The following PDE1A variants were observed in gnomAD, a reference collection of about 807,000 sequenced individuals.
PDE1A encodes phosphodiesterase 1A.
A neutral mutation model predicts 61.7 loss-of-function variants in PDE1A; 35 were observed. The ratio of observed to expected loss-of-function variants is 0.57; its 90% CI spans 0.43 to 0.75. The LOEUF (loss-of-function observed/expected upper bound fraction) is 0.75, where lower values mean the gene tolerates loss of function less well. Ranked by LOEUF, PDE1A falls within the 30% of genes least tolerant of loss-of-function variation. The probability of loss-of-function intolerance (pLI) is 0.00; values close to 1 mark genes in which losing one functional copy is unlikely to be tolerated. For synonymous variants in PDE1A, 232 were observed against 213.2 expected (o/e 1.09, Z -0.77); for missense variants, 597 against 630.6 (o/e 0.95, Z 0.57).
intron 8 of PDE1A, 98 bp from the exon 9 acceptor site, chr2:182,201,887 T>C: frequency 1.3e-6 from 1 of 744,216 alleles, no homozygotes; most frequent in South Asian, 1.8e-5. Context: ...TTATAGTTCT[T>C]AATGGATATG....
chr2:182,661,534 T>C, the PDE1A span, among the ~76,000 whole-genome samples: 1 of 152,094 alleles, frequency 6.6e-6, no homozygotes, highest in Non-Finnish European at 1.5e-5. Context: ...CCCCCATCAC[T>C]ACACTATTTG....
intron 1 of PDE1A, among the ~76,000 whole-genome samples, chr2:182,349,187 T>C (rs1698707845): frequency 6.6e-6 from 1 of 152,164 alleles, no homozygotes; most frequent in Non-Finnish European, 1.5e-5. Context: ...ATACTGAAGA[T>C]TACAAAATGG....
chr2:182,255,331 T>C (rs1001255397), intron 2 of PDE1A, among the ~76,000 whole-genome samples: 10 of 152,214 alleles, frequency 6.6e-5, no homozygotes, highest in African/African-American at 2.4e-4. Flanking sequence ...TAGCCCAATC[T>C]ATTTCTCTTT....
At chr2:182,459,128 T>TA (rs1447845065) in intron 2 of PDE1A, among the ~76,000 whole-genome samples, 13 of 152,266 alleles carry the variant, frequency 8.5e-5, no homozygotes, top group African/African-American at 3.1e-4. Flanking sequence ...ATAATACCTA[T>TA]ACCTATTACT....
intron 13 of PDE1A, among the ~76,000 whole-genome samples, chr2:182,151,862 A>G (rs1690798785): frequency 6.6e-6 from 1 of 152,182 alleles, no homozygotes. Context: ...CCCTGCATGT[A>G]AGTGGGAAAA....
chr2:182,234,759 A>T (rs1239564909), intron 3 of PDE1A, among the ~76,000 whole-genome samples: 1 of 152,224 alleles, frequency 6.6e-6, no homozygotes, highest in Non-Finnish European at 1.5e-5. Flanking sequence ...TCCTTCCCTG[A>T]ACTTGATCAT....
At chr2:182,313,158 A>G (rs183613756) in intron 1 of PDE1A, among the ~76,000 whole-genome samples, 13 of 152,310 alleles carry the variant, frequency 8.5e-5, no homozygotes, top group Admixed American at 8.5e-4. Flanking sequence ...TCACGCCTGT[A>G]ATCCCAGCAC....
At chr2:182,504,286 G>A (rs1689265798) in intron 2 of PDE1A, among the ~76,000 whole-genome samples, 1 of 152,132 alleles carries the variant, frequency 6.6e-6, no homozygotes, top group Non-Finnish European at 1.5e-5. Context: ...ATTCCAAGGT[G>A]CGCTAAAGTG....
intron 1 of PDE1A, among the ~76,000 whole-genome samples, chr2:182,340,338 T>G (rs923680928): frequency 6.6e-5 from 10 of 152,166 alleles, no homozygotes; most frequent in Non-Finnish European, 1.0e-4. Flanking sequence ...GAAGACTAGT[T>G]TGCTGTCAAA....
At chr2:182,712,476 C>G in the PDE1A span, among the ~76,000 whole-genome samples, 1 of 152,200 alleles carries the variant, frequency 6.6e-6, no homozygotes, top group South Asian at 2.1e-4. Context: ...AAGAAGTTAA[C>G]AACTTACTCA....
chr2:182,217,647 A>G (rs1439840233), intron 7 of PDE1A, among the ~76,000 whole-genome samples: 328 of 128,096 alleles, frequency 2.6e-3, no homozygotes, highest in Non-Finnish European at 3.6e-3. Flanking sequence ...ACATTTATGC[A>G]GCCAAAAAAC....
At chr2:182,435,841 T>A (rs1357208348) in intron 2 of PDE1A, among the ~76,000 whole-genome samples, 2 of 152,102 alleles carry the variant, frequency 1.3e-5, no homozygotes, top group African/African-American at 4.8e-5. Context: ...GCAATTTTTT[T>A]AAGTCTGCTT....
At chr2:182,433,932 T>C (rs1169297587) in intron 2 of PDE1A, among the ~76,000 whole-genome samples, 1 of 152,104 alleles carries the variant, frequency 6.6e-6, no homozygotes, top group African/African-American at 2.4e-5. Flanking sequence ...CATTGCAGTG[T>C]CCCTCTTCAG....
chr2:182,590,702 G>A, the PDE1A span, among the ~76,000 whole-genome samples: 15 of 152,200 alleles, frequency 9.9e-5, no homozygotes, highest in South Asian at 6.2e-4. Flanking sequence ...ACTGATGAAC[G>A]ACTACCCCAG....
At position 182,464,592 on chromosome 2, in the gene PDE1A, T is replaced by TA. The variant is rs547652252; in HGVS notation, c.101+57683dup. Among the ~76,000 whole-genome samples the TA allele has an allele frequency of 2.7e-4, 41 of 151,968 alleles. No individual in the cohort carries two copies. The South Asian group carries it at 2.7e-3, about 10-fold the overall frequency. On this transcript the variant is annotated intron_variant, in intron 2 of 14. Coordinates refer to the PDE1A transcript ENST00000410103. The stretch of plus-strand genomic sequence containing the variant: ...CAGAGCTGGATAGTAGTTAACATGG[T>TA]AAAAAAAATAATAATAATAACAGAT...
chr2:182,548,460 T>A, the PDE1A span, among the ~76,000 whole-genome samples: 1 of 152,166 alleles, frequency 6.6e-6, no homozygotes, highest in East Asian at 1.9e-4. Context: ...GGAATGTGGA[T>A]CCCAATCTGT....
intron 8 of PDE1A, among the ~76,000 whole-genome samples, chr2:182,204,370 A>G (rs1413723358): frequency 1.3e-5 from 2 of 152,138 alleles, no homozygotes; most frequent in Non-Finnish European, 2.9e-5. Flanking sequence ...TTGGGCTACT[A>G]TTTCCTGCAG....
In PDE1A at chr2:182,464,846, C is replaced by T. The variant is rs192249361; in HGVS notation, c.101+57430G>A. Among the ~76,000 whole-genome samples, 441 of 152,110 alleles carry T rather than the reference C, an allele frequency of 2.9e-3. 11 individuals are homozygous for T. The highest frequency in any genetic ancestry group is 6.2e-4 in the South Asian group (3 of 4,816). ...GACCAGGGTGCTGAGACCACCAGAA[C>T]GAAAGCACCATTGTGCACAGACCCT... On this transcript the variant is annotated intron_variant, in intron 2 of 14. Coordinates refer to the PDE1A transcript ENST00000410103.
chr2:182,434,581 G>T (rs1227213269), intron 2 of PDE1A, among the ~76,000 whole-genome samples: 1 of 151,894 alleles, frequency 6.6e-6, no homozygotes, highest in Non-Finnish European at 1.5e-5. Context: ...CCTTAAGAGG[G>T]GAGCAGCCCT....
Sources: allele counts gnomAD v4.1 joint callset (sites outside exome capture counted in the v4.1 genomes callset), GRCh38; gene constraint gnomAD v4.1.1; transcripts MANE v1.5; gene names NCBI Gene and HGNC (gene_info 2026-07-23, HGNC 2026-07-21).